The following CTNND2 variants were observed in gnomAD, a reference collection of about 807,000 sequenced individuals.
CTNND2 encodes catenin delta-2.
Under a neutral mutation model 144.4 loss-of-function variants are expected in CTNND2, and 22 were observed. The observed-to-expected ratio is 0.15, with a 90% CI of 0.11 to 0.22. The LOEUF is 0.22. Ranked by LOEUF, CTNND2 falls within the 10% of genes least tolerant of loss-of-function variation. The probability of loss-of-function intolerance (pLI) is 1.00; values close to 1 mark genes in which losing one functional copy is unlikely to be tolerated. For synonymous variants in CTNND2, 751 were observed against 695.6 expected, an observed-to-expected ratio of 1.08 and a Z score of -1.25; for missense variants, 1,353 against 1,618.8, an observed-to-expected ratio of 0.84 and a Z score of 2.82.
At position 11,773,850 on chromosome 5, in the gene CTNND2, T is replaced by C. The variant is rs138844458; in HGVS notation, c.38-41578A>G. Reference sequence around the variant, plus strand: ...AAAAAGCATACAACAAACATGCAAATTTATAACCAATCAATTTTAAAAGGA... The same window carrying C: ...AAAAAGCATACAACAAACATGCAAACTTATAACCAATCAATTTTAAAAGGA... On this transcript the variant is annotated intron_variant, in intron 1 of 21. Coordinates refer to ENST00000304623, the MANE Select transcript of CTNND2 (RefSeq NM_001332.4). Among the ~76,000 whole-genome samples the C allele has an allele frequency of 2.1e-3, 312 of 150,756 alleles. 1 individual carries two copies. The highest frequency in any genetic ancestry group is 7.1e-3 in the African/African-American group (291 of 41,010).
chr5:11,738,999 A>G (rs755383410), intron 1 of CTNND2, among the ~76,000 whole-genome samples: 12 of 152,124 alleles, frequency 7.9e-5, no homozygotes, highest in South Asian at 4.1e-4. Flanking sequence ...CATTAGTTAG[A>G]CTTGCACTAT....
chr5:11,667,552 C>T (rs1192133159), intron 2 of CTNND2, among the ~76,000 whole-genome samples: 1 of 152,194 alleles, frequency 6.6e-6, no homozygotes, highest in African/African-American at 2.4e-5. Context: ...CTGTTGGCTG[C>T]ATAAAAATCT....
intron 7 of CTNND2, among the ~76,000 whole-genome samples, chr5:11,381,953 A>C (rs10043466): frequency 0.65 from 99,455 of 151,856 alleles, 33,389 homozygotes; most frequent in African/African-American, 0.78. Context: ...GGTGACAGAG[A>C]GAGACTCTGT....
At chr5:11,773,986 A>G (rs942232618) in intron 1 of CTNND2, among the ~76,000 whole-genome samples, 1 of 152,146 alleles carries the variant, frequency 6.6e-6, no homozygotes, top group Admixed American at 6.6e-5. Flanking sequence ...ATTTCTTAGA[A>G]TAGATAAAAT....
At chr5:11,386,504 T>C (rs770213178) in intron 6 of CTNND2, among the ~76,000 whole-genome samples, 5 of 152,284 alleles carry the variant, frequency 3.3e-5, no homozygotes, top group East Asian at 1.9e-4. Context: ...GTCAAGTTCA[T>C]ATGCAGATCT....
chr5:11,665,610 C>G (rs1783526929), intron 2 of CTNND2, among the ~76,000 whole-genome samples: 1 of 152,036 alleles, frequency 6.6e-6, no homozygotes. Flanking sequence ...TGGCTACTTC[C>G]CAGGGAGTTT....
intron 16 of CTNND2, among the ~76,000 whole-genome samples, chr5:11,023,927 C>T (rs2149540543): frequency 6.6e-6 from 1 of 152,292 alleles, no homozygotes; most frequent in South Asian, 2.1e-4. Context: ...TAAATGAGTG[C>T]CTGTAGCAAA....
chr5:11,672,955 T>C (rs1222016976), intron 2 of CTNND2, among the ~76,000 whole-genome samples: 1 of 152,132 alleles, frequency 6.6e-6, no homozygotes, highest in Admixed American at 6.5e-5. Flanking sequence ...CCAGTCACAA[T>C]GAGATGAACC....
In CTNND2 at chr5:11,166,861, G is replaced by T. The variant is rs148339206; in HGVS notation, c.1976-7102C>A. Among the ~76,000 whole-genome samples the T allele has an allele frequency of 6.6e-5, 10 of 152,162 alleles. No individual in the cohort carries two copies. The East Asian group carries it at 1.7e-3, about 27-fold the overall frequency. ...GGAGATCATTTTGAGAGTCCTTCTAGATGGAAAACATTCCTATACCACACT... is the reference window on the plus strand; with the variant it reads ...GGAGATCATTTTGAGAGTCCTTCTATATGGAAAACATTCCTATACCACACT... On this transcript the variant is annotated intron_variant, in intron 11 of 21. Transcript: ENST00000304623.
At chr5:11,203,356 TG>T (rs1737694276) in intron 10 of CTNND2, among the ~76,000 whole-genome samples, 1 of 152,356 alleles carries the variant, frequency 6.6e-6, no homozygotes, top group Non-Finnish European at 1.5e-5. Flanking sequence ...CCCAGGTTTT[TG>T]TTAACATATG....
chr5:10,986,570 C>CACCTT, intron 20 of CTNND2: 2 of 453,658 alleles, frequency 4.4e-6, no homozygotes, highest in Non-Finnish European at 8.9e-6. Flanking sequence ...TTCAGATTCA[C>CACCTT]AGCTTTCTTT....
intron 16 of CTNND2, among the ~76,000 whole-genome samples, chr5:11,059,840 A>T (rs375207714): frequency 4.1e-4 from 63 of 152,282 alleles, no homozygotes; most frequent in African/African-American, 1.3e-3. Flanking sequence ...TATCACAGAA[A>T]CTCTTTTTGA....
chr5:11,900,601 T>C (rs978210500), intron 1 of CTNND2, among the ~76,000 whole-genome samples: 2 of 152,242 alleles, frequency 1.3e-5, no homozygotes, highest in African/African-American at 4.8e-5. Context: ...AACTTGAAGC[T>C]AGCAACAAGT....
chr5:11,348,436 G>C (rs1445764176), intron 8 of CTNND2, among the ~76,000 whole-genome samples: 1 of 30,660 alleles, frequency 3.3e-5, no homozygotes, highest in East Asian at 7.4e-4. Flanking sequence ...AAAATCAAGG[G>C]CAAAAAAAAA....
intron 2 of CTNND2, among the ~76,000 whole-genome samples, chr5:11,616,614 CTTCT>C (rs1487311566): frequency 4.8e-5 from 7 of 146,404 alleles, no homozygotes; most frequent in African/African-American, 1.3e-4. Context: ...TCCTTCCTTC[CTTCT>C]TTTTTTTTTG....
intron 2 of CTNND2, among the ~76,000 whole-genome samples, chr5:11,641,727 TGTGTGTATATACATATAC>T (rs1368810270): frequency 1.1e-4 from 5 of 46,400 alleles, no homozygotes; most frequent in Non-Finnish European, 1.2e-4. Context: ...TACATATACG[TGTGTGTATATACATATAC>T]GTGTGTATGT....
intron 10 of CTNND2, among the ~76,000 whole-genome samples, chr5:11,231,543 T>C (rs1294100009): frequency 6.6e-6 from 1 of 152,144 alleles, no homozygotes; most frequent in Non-Finnish European, 1.5e-5. Flanking sequence ...ACTGGCAGCA[T>C]TTTGCTCCTG....
chr5:11,173,363 G>T (rs1347914978), intron 11 of CTNND2, among the ~76,000 whole-genome samples: 1 of 152,248 alleles, frequency 6.6e-6, no homozygotes. Context: ...GACTGTGTTT[G>T]CTTCCACTGC....
chr5:11,088,677 C>G (rs1561284764), intron 15 of CTNND2, among the ~76,000 whole-genome samples: 1 of 152,022 alleles, frequency 6.6e-6, no homozygotes, highest in African/African-American at 2.4e-5. Context: ...TTTGGAGGGG[C>G]CCTATTGATA....
Sources: gnomAD v4.1 joint callset for allele counts (sites outside exome capture counted in the v4.1 genomes callset) on GRCh38, gnomAD v4.1.1 for gene constraint, MANE v1.5 for transcripts, NCBI Gene and HGNC (gene_info 2026-07-23, HGNC 2026-07-21) for gene names.